ANXA4: variants seen among roughly 807,000 people sequenced by gnomAD.
ANXA4 encodes the protein 35-beta calcimedin.
A neutral mutation model predicts 49.8 loss-of-function variants in ANXA4; 39 were observed. The ratio of observed to expected loss-of-function variants is 0.78; its 90% CI spans 0.61 to 1.02. The LOEUF is 1.02. ANXA4 is among the 50% of genes least tolerant of loss of function. The pLI, the probability that ANXA4 is intolerant of heterozygous loss-of-function variation, is 0.00. For missense variants in ANXA4, 360 were observed against 410.1 expected, an observed-to-expected ratio of 0.88 and a Z score of 1.05; for synonymous variants, 134 against 152.5, an observed-to-expected ratio of 0.88 and a Z score of 0.89.
At chr2:69,825,391 A>T (rs1212734248) in intron 12 of ANXA4, 65 bp from the exon 13 acceptor site, 6 of 1,382,672 alleles carry the variant, frequency 4.3e-6, no homozygotes, top group Admixed American at 2.3e-5. Context: ...GTTGGCTTAG[A>T]TGACTTTGAA....
chr2:69,665,429 T>C (rs2105331578), intron 2 of ANXA4, among the ~76,000 whole-genome samples: 1 of 152,274 alleles, frequency 6.6e-6, no homozygotes, highest in South Asian at 2.1e-4. Context: ...ACCACCTAGC[T>C]GAGTCCAGTC....
At chr2:69,810,767 T>A in intron 7 of ANXA4, 94 bp downstream of exon 7, 3 of 962,216 alleles carry the variant, frequency 3.1e-6, no homozygotes, top group Non-Finnish European at 5.0e-6. Flanking sequence ...CCCTGACATG[T>A]GGATATTCCC....
At chr2:69,791,165 G>A (rs1441940509) in intron 3 of ANXA4, among the ~76,000 whole-genome samples, 3 of 152,196 alleles carry the variant, frequency 2.0e-5, no homozygotes, top group South Asian at 4.1e-4. Flanking sequence ...TGAGGTTCCA[G>A]AAGCATGGGG....
In ANXA4 at chr2:69,816,166, T is replaced by C; in HGVS notation, c.600T>C (p.Cys200=). ...TDEVKFLTVL[C]SRNRNHLLHV... ...AGGTGAAATTTCTAACTGTTCTCTG[T>C]TCCCGGAACCGAAATCACCTGTTGC... Residue 200 remains cysteine, a synonymous_variant, in exon 9 of 13, where the codon TGT becomes TGC. Coordinates refer to ENST00000394295, the MANE Select transcript of ANXA4 (RefSeq NM_001153.5). 1 of 1,614,120 alleles carries C rather than the reference T, an allele frequency of 6.2e-7. No individual in the cohort carries two copies. Among genetic ancestry groups the C allele is most frequent in the Non-Finnish European group, 8.5e-7 (1 of 1,179,974 alleles).
chr2:69,683,133 A>G (rs1044680655), intron 2 of ANXA4, among the ~76,000 whole-genome samples: 17 of 152,248 alleles, frequency 1.1e-4, no homozygotes, highest in African/African-American at 4.1e-4. Flanking sequence ...CAAGAAGTAT[A>G]TACATTCCTA....
rs570955216 is a variant in ANXA4 at position 69,719,159 on chromosome 2, G to A, written n.767-1615G>A. On this transcript the variant is annotated intron_variant and non_coding_transcript_variant, in intron 2 of 3. Transcript: ENST00000418066. ...GCCCAGCTAATTTTTTGTATTTTTA[G>A]TAGAGACAAGGTTTCACTATGTTGG... Among the ~76,000 whole-genome samples the A allele has an allele frequency of 1.7e-3, 251 of 150,466 alleles. 2 individuals are homozygous for A. Among genetic ancestry groups the A allele is most frequent in the African/African-American group, 5.3e-3 (218 of 41,042 alleles).
At chr2:69,651,826 G>T (rs776945970) in intron 1 of ANXA4, among the ~76,000 whole-genome samples, 11 of 47,442 alleles carry the variant, frequency 2.3e-4, no homozygotes, top group African/African-American at 8.5e-4. Flanking sequence ...TTGGGGGGGG[G>T]GGGCGGGGAG....
At chr2:69,796,733 G>C (rs897465545) in intron 3 of ANXA4, among the ~76,000 whole-genome samples, 2 of 152,150 alleles carry the variant, frequency 1.3e-5, no homozygotes, top group African/African-American at 4.8e-5. Flanking sequence ...TGGAGAAGCT[G>C]ATGGTGCAGT....
At chr2:69,671,340 A>G (rs1241215268) in intron 2 of ANXA4, among the ~76,000 whole-genome samples, 1 of 152,232 alleles carries the variant, frequency 6.6e-6, no homozygotes, top group Admixed American at 6.5e-5. Context: ...CATCCTGAAT[A>G]TGTAAAGAAC....
At chr2:69,686,332 G>A (rs780482170) in intron 2 of ANXA4, among the ~76,000 whole-genome samples, 4 of 151,760 alleles carry the variant, frequency 2.6e-5, no homozygotes, top group Non-Finnish European at 4.4e-5. Context: ...CTACAGGCAC[G>A]TGCCACCACA....
chr2:69,795,654 G>A lies in ANXA4; in HGVS notation c.97+7513G>A, dbSNP rs72906929. 8.7e-3 allele frequency among the ~76,000 whole-genome samples: 1,331 copies of A among 152,270 alleles called. 27 individuals are homozygous for A. The highest frequency in any genetic ancestry group is 0.03 in the African/African-American group (1,263 of 41,538). Reference sequence around the variant, plus strand: ...GGATTTTTAAGGCGGATCTGAACTGGCCTAGCAGTTTTAGCTTGACCTATT... The same window carrying A: ...GGATTTTTAAGGCGGATCTGAACTGACCTAGCAGTTTTAGCTTGACCTATT... On this transcript the variant is annotated intron_variant, in intron 3 of 12. Coordinates refer to ENST00000394295, the MANE Select transcript of ANXA4 (RefSeq NM_001153.5).
intron 2 of ANXA4, among the ~76,000 whole-genome samples, chr2:69,681,441 T>C (rs865879573): frequency 3.3e-5 from 5 of 151,502 alleles, no homozygotes; most frequent in African/African-American, 1.2e-4. Context: ...CTCAGCTCAC[T>C]GCAATATCCA....
chr2:69,814,339 ATTCT>A (rs1673857295), intron 8 of ANXA4, among the ~76,000 whole-genome samples: 1 of 71,548 alleles, frequency 1.4e-5, no homozygotes, highest in African/African-American at 6.8e-5. Flanking sequence ...CCTGTATTTT[ATTCT>A]TTTTTTTTTT....
intron 1 of ANXA4, among the ~76,000 whole-genome samples, chr2:69,764,904 A>G (rs1381351731): frequency 6.6e-6 from 1 of 152,138 alleles, no homozygotes; most frequent in Admixed American, 6.6e-5. Flanking sequence ...GAATTTGACT[A>G]CTTTGAGTAC....
At chr2:69,784,203 A>G (rs920014950) in intron 2 of ANXA4, among the ~76,000 whole-genome samples, 1 of 152,210 alleles carries the variant, frequency 6.6e-6, no homozygotes, top group South Asian at 2.1e-4. Context: ...CTGAAATTCA[A>G]TCAATATGGA....
At chr2:69,730,111 G>A (rs551668298) in intron 3 of ANXA4, among the ~76,000 whole-genome samples, 32 of 152,148 alleles carry the variant, frequency 2.1e-4, no homozygotes, top group African/African-American at 4.8e-5. Context: ...AGGCCAAGGC[G>A]GGAGGATCGC....
rs1340185700 is a variant in ANXA4, at chr2:69,816,101, G to A, written c.535G>A (p.Asp179Asn). 12 of 1,613,566 alleles carry A rather than the reference G, an allele frequency of 7.4e-6. No homozygotes were observed. Among genetic ancestry groups the A allele is most frequent in the Non-Finnish European group, 1.0e-5 (12 of 1,179,556 alleles). ...DDALVRQDAQDLYEAGEKKWG... is the reference protein window; with the variant it reads ...DDALVRQDAQNLYEAGEKKWG... ...AGACCTGTGCTTTGTTTGGCTTCAG[G>A]ACCTGTATGAGGCTGGAGAGAAGAA... Residue 179 changes from aspartate to asparagine, a missense_variant and splice_region_variant, in exon 9 of 13, where the codon GAC becomes AAC. Transcript: ENST00000394295.
At chr2:69,760,645 A>T (rs985909457) in intron 1 of ANXA4, among the ~76,000 whole-genome samples, 7 of 152,092 alleles carry the variant, frequency 4.6e-5, no homozygotes, top group African/African-American at 9.7e-5. Flanking sequence ...GCATTTTGAC[A>T]TAGGTGCATA....
intron 3 of ANXA4, among the ~76,000 whole-genome samples, chr2:69,793,843 A>AG: frequency 6.9e-6 from 1 of 144,124 alleles, no homozygotes; most frequent in East Asian, 2.0e-4. Context: ...TAAAAAAAAA[A>AG]AGCAATTCAG....
Sources: gnomAD v4.1 joint callset for allele counts (sites outside exome capture counted in the v4.1 genomes callset) on GRCh38, gnomAD v4.1.1 for gene constraint, MANE v1.5 for transcripts, NCBI Gene and HGNC (gene_info 2026-07-23, HGNC 2026-07-21) for gene names.